Variants in ARL17B observed in about 807,000 individuals in gnomAD.
ARL17B encodes ADP-ribosylation factor-like protein 17.
At chr17:46,288,309 T>C (rs77168193) in intron 4 of ARL17B, among the ~76,000 whole-genome samples, 4 of 125,244 alleles carry the variant, frequency 3.2e-5, no homozygotes, top group Non-Finnish European at 5.6e-5. Flanking sequence ...GCCCGGCTTT[T>C]TTTTTTTTTT....
downstream of ARL17B, among the ~76,000 whole-genome samples, chr17:46,274,407 T>G (rs1348098946): frequency 2.6e-5 from 4 of 152,380 alleles, no homozygotes; most frequent in East Asian, 7.7e-4. Context: ...CCAACCTTTA[T>G]GCAAGCTTGA....
intron 4 of ARL17B, among the ~76,000 whole-genome samples, chr17:46,285,618 G>A (rs1242459183): frequency 6.6e-6 from 1 of 152,186 alleles, no homozygotes; most frequent in African/African-American, 2.4e-5. Context: ...GTGAGAGGAA[G>A]TTTCTTTAAA....
chr17:46,278,638 G>A (rs1452766458), intron 4 of ARL17B, among the ~76,000 whole-genome samples: 31 of 151,532 alleles, frequency 2.0e-4, no homozygotes, highest in Non-Finnish European at 3.7e-4. Context: ...TCCTGACCTC[G>A]TGATACACCC....
chr17:46,291,957 C>T (rs1302938646), intron 4 of ARL17B, among the ~76,000 whole-genome samples: 1 of 90,108 alleles, frequency 1.1e-5, no homozygotes, highest in Non-Finnish European at 2.3e-5. Flanking sequence ...TAAGGCCCTG[C>T]TTCTCAAAAA....
chr17:46,278,460 A>C (rs1405928215), intron 4 of ARL17B, among the ~76,000 whole-genome samples: 1 of 150,722 alleles, frequency 6.6e-6, no homozygotes, highest in South Asian at 2.1e-4. Context: ...GCTAGAGTGC[A>C]GTGGTGTGAT....
intron 4 of ARL17B, among the ~76,000 whole-genome samples, chr17:46,289,038 T>C (rs2049996803): frequency 6.6e-6 from 1 of 152,194 alleles, no homozygotes; most frequent in South Asian, 2.1e-4. Flanking sequence ...TGCCATACTT[T>C]TTAAGTGCAT....
intron 4 of ARL17B, among the ~76,000 whole-genome samples, chr17:46,285,476 A>G (rs963775078): frequency 7.2e-5 from 11 of 151,990 alleles, no homozygotes; most frequent in African/African-American, 2.7e-4. Context: ...TCCTGACCTC[A>G]TGATTTGCCC....
chr17:46,283,117 CA>C (rs551872314), intron 4 of ARL17B, among the ~76,000 whole-genome samples: 1 of 151,800 alleles, frequency 6.6e-6, no homozygotes, highest in Non-Finnish European at 1.5e-5. Context: ...GACTCCATCT[CA>C]AAAAAATAAA....
At chr17:46,355,944 AT>A (rs2052896929) in intron 2 of ARL17B, among the ~76,000 whole-genome samples, 1 of 132,468 alleles carries the variant, frequency 7.5e-6, no homozygotes, top group African/African-American at 3.1e-5. Flanking sequence ...TGCCCGGCCT[AT>A]TTATTTATTT....
downstream of ARL17B, chr17:46,274,762 ATT>A (rs1254627349): frequency 6.6e-6 from 1 of 152,462 alleles, no homozygotes; most frequent in Non-Finnish European, 1.5e-5. Context: ...CCACAGTATC[ATT>A]GTTTCTTGCT....
In ARL17B at chr17:46,278,806, A is replaced by AT. The variant is rs572496753; in HGVS notation, c.*22-3389dup. On this transcript the variant is annotated intron_variant, in intron 4 of 4. Coordinates refer to the ARL17B transcript ENST00000570618. ...AACCAATGTCATTATTTTTATTTTT[A>AT]TTTTTTTTGACACGGAATTTTGCTC... 4.3e-4 allele frequency among the ~76,000 whole-genome samples: 65 copies of AT among 150,776 alleles called. 1 individual carries two copies. Among genetic ancestry groups the AT allele is most frequent in the Admixed American group, 3.1e-3 (47 of 15,056 alleles).
intron 3 of ARL17B, among the ~76,000 whole-genome samples, chr17:46,300,053 G>A: frequency 2.0e-5 from 1 of 48,960 alleles, no homozygotes; most frequent in African/African-American, 4.7e-5. Flanking sequence ...AAAATAAGAG[G>A]CAATTTAAAT....
exon 5 of ARL17B, chr17:46,274,826 A>G (rs1339313372): frequency 2.0e-5 from 3 of 152,294 alleles, no homozygotes; most frequent in Non-Finnish European, 1.5e-5. Context: ...TTCTGCCACA[A>G]TAATAAAACC....
chr17:46,307,936 C>T, intron 3 of ARL17B, among the ~76,000 whole-genome samples: 1 of 75,236 alleles, frequency 1.3e-5, no homozygotes. Flanking sequence ...CACTTGAAAC[C>T]AGGAGGCGGA....
chr17:46,278,411 T>G (rs74952243), intron 4 of ARL17B, among the ~76,000 whole-genome samples: 1 of 112,924 alleles, frequency 8.9e-6, no homozygotes, highest in Non-Finnish European at 2.3e-5. Context: ...GTTTTTTTTT[T>G]GTTGTTGTTT....
intron 4 of ARL17B, among the ~76,000 whole-genome samples, chr17:46,287,592 G>A (rs62073171): frequency 0.12 from 18,295 of 151,928 alleles, no homozygotes; most frequent in Non-Finnish European, 0.18. Flanking sequence ...GAATTTAATC[G>A]AATTAAAAAT....
intron 3 of ARL17B, among the ~76,000 whole-genome samples, chr17:46,305,009 C>T (rs2050480215): frequency 1.2e-5 from 1 of 84,952 alleles, no homozygotes; most frequent in Non-Finnish European, 2.9e-5. Context: ...GCTAGGACTA[C>T]AGGCACGTGC....
chr17:46,317,164 C>G (rs1487542218), intron 3 of ARL17B, among the ~76,000 whole-genome samples: 1 of 90,008 alleles, frequency 1.1e-5, no homozygotes, highest in African/African-American at 3.0e-5. Context: ...GGCAGAGGCG[C>G]TCCTCACATC....
At chr17:46,281,424 C>G (rs547900931) in intron 4 of ARL17B, among the ~76,000 whole-genome samples, 1 of 152,110 alleles carries the variant, frequency 6.6e-6, no homozygotes, top group South Asian at 2.1e-4. Context: ...GGGTCTCAAT[C>G]TGTGATTCAG....
Sources: gnomAD v4.1 joint callset for allele counts (sites outside exome capture counted in the v4.1 genomes callset) on GRCh38, gnomAD v4.1.1 for gene constraint, MANE v1.5 for transcripts, NCBI Gene and HGNC (gene_info 2026-07-23, HGNC 2026-07-21) for gene names.